The following PXDNL variants were observed in gnomAD, a reference collection of about 807,000 sequenced individuals.
PXDNL encodes peroxidasin like, also known as probable oxidoreductase PXDNL.
A neutral mutation model predicts 150.8 loss-of-function variants in PXDNL; 145 were observed. The ratio of observed to expected loss-of-function variants is 0.96; its 90% CI spans 0.84 to 1.10. PXDNL has a LOEUF of 1.10. Ranked by LOEUF, PXDNL falls within the 50% of genes least tolerant of loss-of-function variation. The probability of loss-of-function intolerance (pLI) is 0.00; values close to 1 mark genes in which losing one functional copy is unlikely to be tolerated. For missense variants in PXDNL, 2,087 were observed against 1,873.9 expected (o/e 1.11, Z -2.10); for synonymous variants, 757 against 725.7 (o/e 1.04, Z -0.69).
chr8:51,601,996 G>T (rs558633949), intron 2 of PXDNL, among the ~76,000 whole-genome samples: 1 of 151,958 alleles, frequency 6.6e-6, no homozygotes, highest in Non-Finnish European at 1.5e-5. Flanking sequence ...ATTTTGGTGG[G>T]ATATGAAATT....
intron 5 of PXDNL, among the ~76,000 whole-genome samples, chr8:51,495,482 G>T (rs2130258883): frequency 6.6e-6 from 1 of 152,230 alleles, no homozygotes; most frequent in Admixed American, 6.5e-5. Context: ...AAAAATCAAT[G>T]AATCCAGGAG....
chr8:51,320,622 C>T, intron 22 of PXDNL, 162 bp downstream of exon 22: 1 of 583,596 alleles, frequency 1.7e-6, no homozygotes, highest in Non-Finnish European at 3.0e-6. Flanking sequence ...TATTAATAAG[C>T]AAAAGCCTCA....
intron 1 of PXDNL, among the ~76,000 whole-genome samples, chr8:51,663,332 T>A (rs928271686): frequency 1.3e-5 from 2 of 152,190 alleles, no homozygotes; most frequent in Non-Finnish European, 2.9e-5. Flanking sequence ...AAAACCCATC[T>A]CCTGATTTCC....
chr8:51,528,175 AC>A (rs1049879400), intron 4 of PXDNL, among the ~76,000 whole-genome samples: 7 of 152,104 alleles, frequency 4.6e-5, no homozygotes, highest in African/African-American at 1.7e-4. Context: ...AAAACAACAG[AC>A]CCCGCTTCTC....
At chr8:51,626,061 C>A (rs992917980) in intron 2 of PXDNL, among the ~76,000 whole-genome samples, 4 of 152,138 alleles carry the variant, frequency 2.6e-5, no homozygotes, top group Admixed American at 6.5e-5. Flanking sequence ...AATTTTAGAA[C>A]CTAATTTTAT....
At chr8:51,629,961 A>G (rs151171143) in intron 2 of PXDNL, among the ~76,000 whole-genome samples, 370 of 152,334 alleles carry the variant, frequency 2.4e-3, no homozygotes, top group Non-Finnish European at 4.1e-3. Flanking sequence ...TGGAACCAAA[A>G]AAAAACCCAT....
chr8:51,505,689 A>G (rs934440557), intron 4 of PXDNL, among the ~76,000 whole-genome samples: 2 of 152,226 alleles, frequency 1.3e-5, no homozygotes, highest in Non-Finnish European at 2.9e-5. Flanking sequence ...TAAGCTAAGG[A>G]CATCTGAATC....
intron 1 of PXDNL, among the ~76,000 whole-genome samples, chr8:51,679,245 A>C (rs759303042): frequency 6.6e-6 from 1 of 152,198 alleles, no homozygotes; most frequent in Non-Finnish European, 1.5e-5. Context: ...CAGTGGAAAG[A>C]GTACACACAT....
chr8:51,509,688 C>A (rs1296315202), intron 4 of PXDNL, among the ~76,000 whole-genome samples: 1 of 151,372 alleles, frequency 6.6e-6, no homozygotes, highest in Non-Finnish European at 1.5e-5. Context: ...CGTCCTGGCA[C>A]TTCTCAACCC....
At chr8:51,396,146 C>A (rs1038925034) in intron 17 of PXDNL, among the ~76,000 whole-genome samples, 2 of 152,164 alleles carry the variant, frequency 1.3e-5, no homozygotes, top group East Asian at 1.9e-4. Context: ...CCTATGCCTG[C>A]GAGAAGAAAG....
intron 2 of PXDNL, among the ~76,000 whole-genome samples, chr8:51,643,708 T>C (rs1814831414): frequency 6.6e-6 from 1 of 152,068 alleles, no homozygotes; most frequent in South Asian, 2.1e-4. Flanking sequence ...CTAATTAAAC[T>C]CAAGAGCTTC....
chr8:51,328,438 T>C (rs1343958702), intron 21 of PXDNL, among the ~76,000 whole-genome samples: 1 of 152,210 alleles, frequency 6.6e-6, no homozygotes, highest in Non-Finnish European at 1.5e-5. Flanking sequence ...GAAGGGCACC[T>C]GCTTTTCTCA....
intron 12 of PXDNL, among the ~76,000 whole-genome samples, chr8:51,427,680 A>G (rs1193722912): frequency 1.3e-5 from 2 of 152,244 alleles, no homozygotes; most frequent in East Asian, 3.8e-4. Context: ...GTGTTTGCCT[A>G]TATTCAACGC....
intron 2 of PXDNL, among the ~76,000 whole-genome samples, chr8:51,633,185 A>C (rs528445355): frequency 1.4e-4 from 21 of 152,294 alleles, no homozygotes; most frequent in African/African-American, 4.1e-4. Context: ...TGTGCTTAGG[A>C]TAATGAGCTC....
intron 1 of PXDNL, among the ~76,000 whole-genome samples, chr8:51,751,249 A>C (rs909538326): frequency 7.9e-5 from 12 of 152,348 alleles, no homozygotes; most frequent in South Asian, 2.1e-4. Flanking sequence ...TGAAAGCTCA[A>C]AATTACTGAT....
chr8:51,552,809 T>TC (rs35962374), intron 4 of PXDNL, among the ~76,000 whole-genome samples: 3 of 151,408 alleles, frequency 2.0e-5, no homozygotes, highest in African/African-American at 7.3e-5. Flanking sequence ...CGCCATGTGT[T>TC]CCCCCCAAAA....
At chr8:51,636,627 A>C (rs898757129) in intron 2 of PXDNL, among the ~76,000 whole-genome samples, 1 of 152,220 alleles carries the variant, frequency 6.6e-6, no homozygotes, top group Non-Finnish European at 1.5e-5. Flanking sequence ...AAATAAATTT[A>C]ATCAAAGTAA....
intron 4 of PXDNL, among the ~76,000 whole-genome samples, chr8:51,504,099 T>A (rs1042513293): frequency 6.6e-6 from 1 of 152,308 alleles, no homozygotes; most frequent in South Asian, 2.1e-4. Flanking sequence ...TCTGCGTTTT[T>A]TATTTTGCCT....
intron 1 of PXDNL, among the ~76,000 whole-genome samples, chr8:51,748,749 G>T (rs2037012897): frequency 6.6e-6 from 1 of 152,202 alleles, no homozygotes; most frequent in Non-Finnish European, 1.5e-5. Context: ...ACCTTCCTTA[G>T]TAGCCTCCTG....
Sources: allele counts gnomAD v4.1 joint callset (sites outside exome capture counted in the v4.1 genomes callset), GRCh38; gene constraint gnomAD v4.1.1; transcripts MANE v1.5; gene names NCBI Gene and HGNC (gene_info 2026-07-23, HGNC 2026-07-21).